Variants in DIAPH3 observed in about 807,000 individuals in gnomAD.
DIAPH3 encodes protein diaphanous homolog 3.
In DIAPH3, 117 loss-of-function variants were observed where a neutral mutation model predicts 144.3. The observed-to-expected ratio is 0.81, with a 90% CI of 0.70 to 0.95. The LOEUF is 0.95. DIAPH3 is among the 40% of genes least tolerant of loss of function. The pLI is 0.00. For missense variants in DIAPH3, 1,421 were observed against 1,412.7 expected (o/e 1.01, Z -0.09); for synonymous variants, 519 against 488.9 (o/e 1.06, Z -0.81).
chr13:59,924,101 T>C lies in DIAPH3; in HGVS notation c.2170+674A>G, dbSNP rs186773773. Among the ~76,000 whole-genome samples the C allele has an allele frequency of 6.4e-3, 980 of 152,308 alleles. 4 individuals are homozygous for C. The highest frequency in any genetic ancestry group is 9.2e-3 in the Non-Finnish European group (629 of 68,028). ...TCTTGCACCATCAGAAAGTGATATA[T>C]ACAGACCATAGTATATCATCTCTAA... On this transcript the variant is annotated intron_variant, in intron 18 of 27. Coordinates refer to ENST00000400324, the MANE Select transcript of DIAPH3 (RefSeq NM_001042517.2).
At chr13:59,987,381 C>T (rs1226654153) in intron 12 of DIAPH3, among the ~76,000 whole-genome samples, 2 of 147,996 alleles carry the variant, frequency 1.4e-5, no homozygotes, top group African/African-American at 5.0e-5. Context: ...GGCTAGATGA[C>T]GAGTTAGTGG....
At chr13:59,955,409 G>C (rs985481102) in intron 17 of DIAPH3, among the ~76,000 whole-genome samples, 1 of 152,102 alleles carries the variant, frequency 6.6e-6, no homozygotes, top group East Asian at 1.9e-4. Flanking sequence ...TGTAAGACGT[G>C]CCTTTACTCC....
At chr13:59,857,105 A>C (rs1044471853) in intron 22 of DIAPH3, among the ~76,000 whole-genome samples, 1 of 152,186 alleles carries the variant, frequency 6.6e-6, no homozygotes, top group African/African-American at 2.4e-5. Context: ...AATACTGATT[A>C]TTCAAAATAT....
At chr13:60,036,248 T>C (rs576169195) in intron 5 of DIAPH3, among the ~76,000 whole-genome samples, 14 of 152,334 alleles carry the variant, frequency 9.2e-5, no homozygotes, top group African/African-American at 3.4e-4. Context: ...ACATTGAGAA[T>C]GTAATAATAA....
intron 17 of DIAPH3, among the ~76,000 whole-genome samples, chr13:59,932,799 C>A (rs1397796671): frequency 2.6e-5 from 4 of 151,982 alleles, no homozygotes. Flanking sequence ...CAAAGGGATA[C>A]AAAGAAGCAG....
chr13:59,702,190 A>G (rs537174115), intron 27 of DIAPH3, among the ~76,000 whole-genome samples: 4 of 152,310 alleles, frequency 2.6e-5, no homozygotes, highest in African/African-American at 9.6e-5. Context: ...GATATACAAC[A>G]CCCAGGCATA....
intron 27 of DIAPH3, among the ~76,000 whole-genome samples, chr13:59,702,357 A>T (rs946345642): frequency 2.0e-5 from 3 of 152,214 alleles, no homozygotes; most frequent in Non-Finnish European, 4.4e-5. Flanking sequence ...TCAGTCTTTA[A>T]AAAAAGAAAA....
At position 60,016,062 on chromosome 13, in the gene DIAPH3, A is replaced by G; in HGVS notation, c.701+9T>C. 5 of 1,612,148 alleles carry G rather than the reference A, an allele frequency of 3.1e-6. No homozygotes were observed. Among genetic ancestry groups the G allele is most frequent in the Non-Finnish European group, 4.2e-6 (5 of 1,178,568 alleles). ...TGCTTACTTGAAAATAATTATTAGC[A>G]ATACTTACATTTTTCCACTAATCAG... On this transcript the variant is annotated intron_variant, in intron 6 of 27. Transcript: ENST00000400324.
At chr13:59,980,676 A>G in intron 14 of DIAPH3, 119 bp downstream of exon 14, 2 of 913,610 alleles carry the variant, frequency 2.2e-6, no homozygotes, top group Non-Finnish European at 3.5e-6. Context: ...GAGGGCATCT[A>G]TGCACACACC....
chr13:59,819,433 A>G (rs1424116750), intron 24 of DIAPH3, among the ~76,000 whole-genome samples: 3 of 151,828 alleles, frequency 2.0e-5, no homozygotes, highest in African/African-American at 7.2e-5. Context: ...TTTTGGTGGG[A>G]TGGATTTTTA....
At chr13:60,078,048 G>A (rs2057433542) in intron 4 of DIAPH3, among the ~76,000 whole-genome samples, 1 of 152,044 alleles carries the variant, frequency 6.6e-6, no homozygotes, top group Non-Finnish European at 1.5e-5. Flanking sequence ...AATGAAAACT[G>A]AGTCTTTGTA....
At chr13:59,727,503 T>A (rs927049534) in intron 27 of DIAPH3, among the ~76,000 whole-genome samples, 1 of 152,208 alleles carries the variant, frequency 6.6e-6, no homozygotes, top group East Asian at 1.9e-4. Context: ...ATTTACTAGC[T>A]ATTTAACTTT....
rs766626774 is a variant in DIAPH3 at position 59,666,251 on chromosome 13, G to A, written c.*333C>T. ...AAAAATTCCAGTGGCTTAGAAAGAT[G>A]GTATTTTCTTAAGGACACACTGCTG... On this transcript the variant is annotated 3_prime_UTR_variant, in exon 28 of 28. Coordinates refer to ENST00000400324, the MANE Select transcript of DIAPH3 (RefSeq NM_001042517.2). The A allele has an allele frequency of 4.7e-6, 1 of 211,552 alleles. No individual in the cohort carries two copies. The highest frequency in any genetic ancestry group is 2.3e-5 in the African/African-American group (1 of 42,678). 13.1% of individuals were successfully genotyped at this position (211,552 alleles called of 1,614,324 possible).
intron 27 of DIAPH3, among the ~76,000 whole-genome samples, chr13:59,714,326 C>T (rs369932106): frequency 2.1e-5 from 3 of 144,868 alleles, no homozygotes; most frequent in East Asian, 2.0e-4. Context: ...CGCCACTGCA[C>T]TCCAGCCTGG....
intron 2 of DIAPH3, among the ~76,000 whole-genome samples, chr13:60,116,343 C>G (rs926817792): frequency 2.6e-5 from 4 of 151,994 alleles, no homozygotes; most frequent in Non-Finnish European, 4.4e-5. Context: ...TGGAATAACT[C>G]AGAAACATAA....
At chr13:59,910,812 G>C (rs1593943779) in intron 20 of DIAPH3, among the ~76,000 whole-genome samples, 1 of 148,134 alleles carries the variant, frequency 6.8e-6, no homozygotes, top group Non-Finnish European at 1.5e-5. Flanking sequence ...TTTTCCTTTT[G>C]TGTTCTATTT....
At chr13:59,905,739 G>A (rs2046700815) in intron 20 of DIAPH3, among the ~76,000 whole-genome samples, 2 of 152,140 alleles carry the variant, frequency 1.3e-5, no homozygotes, top group African/African-American at 4.8e-5. Context: ...AAGCAGGAGG[G>A]TCAGAGAAGG....
chr13:59,810,980 A>C (rs1367862514), intron 24 of DIAPH3, 57 bp from the exon 25 acceptor site: 1 of 1,478,684 alleles, frequency 6.8e-7, no homozygotes, highest in Admixed American at 1.9e-5. Flanking sequence ...CGCAAAATGG[A>C]AAGTTATCTA....
At chr13:59,828,490 T>C (rs1409545333) in intron 24 of DIAPH3, among the ~76,000 whole-genome samples, 1 of 151,794 alleles carries the variant, frequency 6.6e-6, no homozygotes, top group East Asian at 1.9e-4. Flanking sequence ...TGAGCAGCAA[T>C]GTACCTGAAG....
Sources: allele counts gnomAD v4.1 joint callset (sites outside exome capture counted in the v4.1 genomes callset), GRCh38; gene constraint gnomAD v4.1.1; transcripts MANE v1.5; gene names NCBI Gene and HGNC (gene_info 2026-07-23, HGNC 2026-07-21).